The following ZNF362 variants were observed in gnomAD, a reference collection of about 807,000 sequenced individuals.
The protein encoded by ZNF362 is zinc finger protein 362.
A neutral mutation model predicts 42.9 loss-of-function variants in ZNF362; 11 were observed. The ratio of observed to expected loss-of-function variants is 0.26; its 90% CI spans 0.16 to 0.42. The LOEUF is 0.42. Among genes scored for constraint, ZNF362 ranks in the 20% least tolerant of loss-of-function variants. ZNF362 has a pLI of 1.00. For missense variants in ZNF362, 362 were observed against 576.2 expected, an observed-to-expected ratio of 0.63 and a Z score of 3.81; for synonymous variants, 255 against 257.3, an observed-to-expected ratio of 0.99 and a Z score of 0.09.
chr1:33,170,510 C>T, the ZNF362 span, among the ~76,000 whole-genome samples: 32 of 152,144 alleles, frequency 2.1e-4, no homozygotes, highest in African/African-American at 6.7e-4. Flanking sequence ...CCCCTGGCCT[C>T]GCTGAGTCTT....
the ZNF362 span, among the ~76,000 whole-genome samples, chr1:33,168,529 C>T: frequency 6.6e-6 from 1 of 152,200 alleles, no homozygotes; most frequent in Non-Finnish European, 1.5e-5. Flanking sequence ...GGAGCCAGTG[C>T]AACCTGCCGC....
chr1:33,187,536 C>A, the ZNF362 span, among the ~76,000 whole-genome samples: 1 of 152,070 alleles, frequency 6.6e-6, no homozygotes, highest in African/African-American at 2.4e-5. Flanking sequence ...TGTAGTTGGT[C>A]CTAAAGTGTA....
the ZNF362 span, chr1:33,164,453 A>G: frequency 6.6e-6 from 1 of 152,378 alleles, no homozygotes; most frequent in African/African-American, 2.4e-5. Flanking sequence ...AGAGTGCTGG[A>G]CTGAGCCTGG....
intron 4 of ZNF362, among the ~76,000 whole-genome samples, 199 bp from the exon 5 acceptor site, chr1:33,279,924 GC>G (rs1008613235): frequency 1.3e-5 from 2 of 152,178 alleles, no homozygotes; most frequent in African/African-American, 4.8e-5. Flanking sequence ...TTTCCAAAGT[GC>G]CCCTGTTATC....
At chr1:33,135,677 A>G in the ZNF362 span, among the ~76,000 whole-genome samples, 1 of 152,176 alleles carries the variant, frequency 6.6e-6, no homozygotes, top group African/African-American at 2.4e-5. Flanking sequence ...CTTACTCAGC[A>G]TGCAGGTCTC....
At chr1:33,260,895 G>C (rs1645824259) in intron 1 of ZNF362, among the ~76,000 whole-genome samples, 2 of 152,132 alleles carry the variant, frequency 1.3e-5, no homozygotes, top group South Asian at 4.2e-4. Context: ...AAGCTTTCCA[G>C]CTCAGAACCT....
chr1:33,297,615 G>A (rs1366568343), intron 8 of ZNF362, among the ~76,000 whole-genome samples: 1 of 145,180 alleles, frequency 6.9e-6, no homozygotes, highest in African/African-American at 2.6e-5. Context: ...AGGTTCAAGC[G>A]ATTCTCCTGC....
the ZNF362 span, among the ~76,000 whole-genome samples, chr1:33,242,792 C>T: frequency 6.6e-6 from 1 of 152,174 alleles, no homozygotes; most frequent in African/African-American, 2.4e-5. Context: ...TATGCTGCAA[C>T]CAGAAAAATG....
chr1:33,221,003 G>C, the ZNF362 span, among the ~76,000 whole-genome samples: 1 of 152,148 alleles, frequency 6.6e-6, no homozygotes, highest in Admixed American at 6.5e-5. Flanking sequence ...GCAGAAAGAG[G>C]GTGGCAGGGC....
chr1:33,168,480 G>A, the ZNF362 span, among the ~76,000 whole-genome samples: 2 of 152,144 alleles, frequency 1.3e-5, no homozygotes, highest in Non-Finnish European at 2.9e-5. Context: ...GTAGTAGTTG[G>A]ACTTGGCATT....
chr1:33,176,190 C>T, the ZNF362 span, among the ~76,000 whole-genome samples: 4 of 152,222 alleles, frequency 2.6e-5, no homozygotes, highest in Non-Finnish European at 4.4e-5. Context: ...AAATAAAGTG[C>T]CTCTGAATCT....
the ZNF362 span, among the ~76,000 whole-genome samples, chr1:33,162,036 C>T: frequency 5.9e-5 from 9 of 152,288 alleles, no homozygotes; most frequent in Admixed American, 2.0e-4. Context: ...ACAGTCTCCC[C>T]AACACATCCC....
intron 8 of ZNF362, among the ~76,000 whole-genome samples, chr1:33,297,275 C>T (rs1646131583): frequency 6.6e-6 from 1 of 152,178 alleles, no homozygotes; most frequent in African/African-American, 2.4e-5. Flanking sequence ...TCAACCAATC[C>T]TGCCTCATCC....
At chr1:33,219,644 T>C in the ZNF362 span, among the ~76,000 whole-genome samples, 2 of 152,164 alleles carry the variant, frequency 1.3e-5, no homozygotes, top group African/African-American at 4.8e-5. Flanking sequence ...TCTGAGGGAC[T>C]GTGTGGACAG....
chr1:33,238,904 G>A, the ZNF362 span, among the ~76,000 whole-genome samples: 1 of 152,172 alleles, frequency 6.6e-6, no homozygotes, highest in Non-Finnish European at 1.5e-5. Flanking sequence ...CCATGCAGGT[G>A]CCTCGATCCT....
At chr1:33,204,682 T>C in the ZNF362 span, among the ~76,000 whole-genome samples, 4 of 152,216 alleles carry the variant, frequency 2.6e-5, no homozygotes, top group Non-Finnish European at 5.9e-5. Context: ...TACAGCATAC[T>C]TCATGGTGAA....
rs558145749 is a variant in ZNF362, at chr1:33,283,409, T to G, written c.908+1598T>G. ...GGGACATGATATGTGGGTATGATAG[T>G]AAGAATCAAATGGCAGGCTGGGCTC... On this transcript the variant is annotated intron_variant, in intron 6 of 8. Transcript: ENST00000539719. Among the ~76,000 whole-genome samples the G allele has an allele frequency of 2.5e-4, 38 of 152,336 alleles. 1 individual carries two copies. Among genetic ancestry groups the G allele is most frequent in the African/African-American group, 7.9e-4 (33 of 41,576 alleles).
the ZNF362 span, among the ~76,000 whole-genome samples, chr1:33,131,860 T>C: frequency 1.3e-5 from 2 of 152,202 alleles, no homozygotes; most frequent in Non-Finnish European, 2.9e-5. Flanking sequence ...GTGACTTTAA[T>C]TTTAGTTAAT....
chr1:33,249,843 G>A, the ZNF362 span, among the ~76,000 whole-genome samples: 6 of 152,106 alleles, frequency 3.9e-5, no homozygotes, highest in Non-Finnish European at 5.9e-5. Flanking sequence ...TAACCCACAC[G>A]TTCTCTTTTA....
Sources: allele counts gnomAD v4.1 joint callset (sites outside exome capture counted in the v4.1 genomes callset), GRCh38; gene constraint gnomAD v4.1.1; transcripts MANE v1.5; gene names NCBI Gene and HGNC (gene_info 2026-07-23, HGNC 2026-07-21).